Variants in PDE5A observed in about 807,000 individuals in gnomAD.
PDE5A encodes cGMP-specific 3',5'-cyclic phosphodiesterase.
PDE5A carries 67 observed loss-of-function variants against 110.2 expected under a neutral mutation model. That is an observed-to-expected ratio of 0.61 (90% CI 0.50 to 0.75). PDE5A has a LOEUF of 0.75. PDE5A is among the 30% of genes least tolerant of loss of function. The pLI is 0.00. For synonymous variants in PDE5A, 328 were observed against 351.2 expected, an observed-to-expected ratio of 0.93 and a Z score of 0.74; for missense variants, 862 against 1,045.1, an observed-to-expected ratio of 0.82 and a Z score of 2.42.
At chr4:119,535,996 A>G (rs1375356723) in intron 11 of PDE5A, among the ~76,000 whole-genome samples, 1 of 152,182 alleles carries the variant, frequency 6.6e-6, no homozygotes, top group Non-Finnish European at 1.5e-5. Context: ...TTTGGTTGAC[A>G]GACAACTAGA....
intron 7 of PDE5A, 94 bp from the exon 8 acceptor site, chr4:119,553,840 C>T (rs1727448929): frequency 1.5e-6 from 1 of 684,430 alleles, no homozygotes; most frequent in East Asian, 2.6e-5. Flanking sequence ...AAATACCAGC[C>T]TTAAATTATA....
chr4:119,583,277 G>A (rs770974641), intron 3 of PDE5A, among the ~76,000 whole-genome samples: 6 of 152,102 alleles, frequency 3.9e-5, no homozygotes, highest in African/African-American at 7.2e-5. Flanking sequence ...TAAACCTCAC[G>A]AGACAACCTC....
intron 2 of PDE5A, among the ~76,000 whole-genome samples, chr4:119,604,613 AATTGAACAC>A (rs1729463920): frequency 6.6e-6 from 1 of 152,162 alleles, no homozygotes; most frequent in Non-Finnish European, 1.5e-5. Flanking sequence ...AGAGAATCAA[AATTGAACAC>A]ATTGCTTATA....
chr4:119,554,304 CT>C (rs948329230), intron 7 of PDE5A, among the ~76,000 whole-genome samples: 2 of 151,928 alleles, frequency 1.3e-5, no homozygotes, highest in Non-Finnish European at 2.9e-5. Flanking sequence ...CTCTCTACAC[CT>C]TTTTTCTGCT....
intron 3 of PDE5A, among the ~76,000 whole-genome samples, chr4:119,582,019 G>A (rs555614396): frequency 6.6e-6 from 1 of 152,188 alleles, no homozygotes; most frequent in Non-Finnish European, 1.5e-5. Flanking sequence ...GGACGGGGCT[G>A]TTGTGGAAAT....
intron 3 of PDE5A, among the ~76,000 whole-genome samples, chr4:119,595,192 A>C (rs561645329): frequency 2.0e-5 from 3 of 151,854 alleles, no homozygotes; most frequent in African/African-American, 7.3e-5. Context: ...GTAACACACT[A>C]GATGGAGGAA....
At chr4:119,544,573 A>G (rs1172766007) in intron 9 of PDE5A, among the ~76,000 whole-genome samples, 2 of 152,328 alleles carry the variant, frequency 1.3e-5, no homozygotes, top group African/African-American at 4.8e-5. Context: ...TGAGAGTCAC[A>G]TTTCATGCCC....
At chr4:119,564,781 T>C (rs1727867504) in intron 5 of PDE5A, among the ~76,000 whole-genome samples, 1 of 152,096 alleles carries the variant, frequency 6.6e-6, no homozygotes, top group South Asian at 2.1e-4. Context: ...ACTTTAGAAT[T>C]AACCTAGACA....
intron 3 of PDE5A, among the ~76,000 whole-genome samples, chr4:119,577,279 C>G (rs140311337): frequency 0.025 from 3,733 of 152,270 alleles, 59 homozygotes; most frequent in South Asian, 0.051. Context: ...TGGTACCATT[C>G]CTTCTGAAAC....
intron 3 of PDE5A, among the ~76,000 whole-genome samples, chr4:119,587,125 C>A (rs1481647143): frequency 2.0e-5 from 3 of 152,122 alleles, no homozygotes. Flanking sequence ...AACCTCAAGT[C>A]CAGAACAAAC....
intron 1 of PDE5A, among the ~76,000 whole-genome samples, chr4:119,610,002 C>T (rs978833527): frequency 3.3e-5 from 5 of 152,252 alleles, no homozygotes; most frequent in Non-Finnish European, 7.4e-5. Flanking sequence ...AGAGGTATTA[C>T]AAATTTGAAG....
At position 119,613,936 on chromosome 4, in the gene PDE5A, T is replaced by C. The variant is rs145013772; in HGVS notation, c.153-6639A>G. On this transcript the variant is annotated intron_variant, in intron 1 of 20. Coordinates refer to ENST00000354960, the MANE Select transcript of PDE5A (RefSeq NM_001083.4). Reference sequence around the variant, plus strand: ...CTATACCCTATTAAGAATATAAAAGTTCCCAGAGCATCAGTGCTTGCCATG... The same window carrying C: ...CTATACCCTATTAAGAATATAAAAGCTCCCAGAGCATCAGTGCTTGCCATG... Among the ~76,000 whole-genome samples the C allele has an allele frequency of 3.3e-3, 504 of 151,932 alleles. 3 individuals are homozygous for C. In the Middle Eastern group the frequency reaches 0.044, roughly 13 times the overall value.
At chr4:119,532,761 AG>A (rs1306574938) in intron 11 of PDE5A, among the ~76,000 whole-genome samples, 3 of 152,132 alleles carry the variant, frequency 2.0e-5, no homozygotes, top group Non-Finnish European at 4.4e-5. Flanking sequence ...GTCTATATTT[AG>A]GCTACAGCAA....
rs1041702611 is a variant in PDE5A at position 119,497,966 on chromosome 4, A to C, written c.*635T>G. 1 of 152,222 alleles carries C rather than the reference A, an allele frequency of 6.6e-6. No homozygotes were observed. The highest frequency in any genetic ancestry group is 1.5e-5 in the Non-Finnish European group (1 of 68,046). The allele number at this position is 152,222 out of a possible 1,614,324, so 9.4% of individuals were successfully genotyped here. A position where few individuals can be genotyped will look rare whatever the true frequency, so the allele number is the denominator to read the frequency against. ...GAAAAATGTACTGCACTGAAGTGAC[A>C]AAGTTCTGTCTTGCCTGTTCTCTCA... is the stretch of plus-strand genomic sequence containing the variant. On this transcript the variant is annotated 3_prime_UTR_variant, in exon 21 of 21. Transcript: ENST00000354960.
At position 119,600,035 on chromosome 4, in the gene PDE5A, G is replaced by A. The variant is rs138966297; in HGVS notation, c.742-3423C>T. ...AGTGAAAATATCCTTCAAGAATATA[G>A]GCAAAATAAAGGCATTTTCAGATAA... On this transcript the variant is annotated intron_variant, in intron 2 of 20. Coordinates refer to ENST00000354960, the MANE Select transcript of PDE5A (RefSeq NM_001083.4). Among the ~76,000 whole-genome samples, 38 of 152,076 alleles carry A rather than the reference G, an allele frequency of 2.5e-4. No homozygotes were observed. In the East Asian group the frequency reaches 7.1e-3, roughly 29 times the overall value.
rs531112454 is a variant in PDE5A at position 119,505,735 on chromosome 4, C to T, written c.2267+120G>A. On this transcript the variant is annotated intron_variant, in intron 17 of 20. Coordinates refer to ENST00000354960, the MANE Select transcript of PDE5A (RefSeq NM_001083.4). ...GTACAACCCTCTGGAGAAATCTGAC[C>T]GCTTTTAAGATCATCATATTGTAAC... The T allele has an allele frequency of 3.6e-5, 22 of 616,710 alleles. No individual in the cohort carries two copies. The South Asian group carries it at 3.8e-4, about 11-fold the overall frequency. 38.2% of individuals were successfully genotyped at this position (616,710 alleles called of 1,614,324 possible).
chr4:119,538,472 T>C (rs1312073551), intron 11 of PDE5A, among the ~76,000 whole-genome samples: 1 of 152,164 alleles, frequency 6.6e-6, no homozygotes, highest in Non-Finnish European at 1.5e-5. Flanking sequence ...TACATATCCA[T>C]GTGCTTTTCT....
intron 11 of PDE5A, among the ~76,000 whole-genome samples, chr4:119,531,476 C>T (rs1166960833): frequency 6.6e-6 from 1 of 152,032 alleles, no homozygotes; most frequent in Non-Finnish European, 1.5e-5. Context: ...CAGGGTTTCA[C>T]CATGTTGGCC....
In PDE5A at chr4:119,507,476, C is replaced by A. The variant is rs1000167094; in HGVS notation, c.2189+128G>T. On this transcript the variant is annotated intron_variant, in intron 16 of 20. Transcript: ENST00000354960. ...TTTCTGGCTACCCTTTCAGAAACTG[C>A]TCCGTATTCTGATAAGCAGTTTTGC... is the stretch of plus-strand genomic sequence containing the variant. 8.9e-5 allele frequency: 55 copies of A among 616,936 alleles called. No individual in the cohort carries two copies. The East Asian group carries it at 1.5e-3, about 17-fold the overall frequency. The allele number at this position is 616,936 out of a possible 1,614,324, so 38.2% of individuals were successfully genotyped here.
Sources: gnomAD v4.1 joint callset for allele counts (sites outside exome capture counted in the v4.1 genomes callset) on GRCh38, gnomAD v4.1.1 for gene constraint, MANE v1.5 for transcripts, NCBI Gene and HGNC (gene_info 2026-07-23, HGNC 2026-07-21) for gene names.